The following NRDE2 variants were observed in gnomAD, a reference collection of about 807,000 sequenced individuals.
The protein encoded by NRDE2 is NRDE-2, necessary for RNA interference, domain containing.
In NRDE2, 76 loss-of-function variants were observed where a neutral mutation model predicts 124.2. The observed-to-expected ratio is 0.61, with a 90% CI of 0.51 to 0.74. NRDE2 has a LOEUF of 0.74. Among genes scored for constraint, NRDE2 ranks in the 30% least tolerant of loss-of-function variants. The pLI, the probability that NRDE2 is intolerant of heterozygous loss-of-function variation, is 0.00. For synonymous variants in NRDE2, 489 were observed against 528.1 expected, an observed-to-expected ratio of 0.93 and a Z score of 1.01; for missense variants, 1,314 against 1,417.3, an observed-to-expected ratio of 0.93 and a Z score of 1.17.
chr14:90,330,222 T>TAAATAAATAAATAAATAAA (rs59818362), intron 1 of NRDE2, among the ~76,000 whole-genome samples: 7,832 of 141,298 alleles, frequency 0.055, 318 homozygotes, highest in East Asian at 0.18. Flanking sequence ...AAAAAATAAA[T>TAAATAAATAAATAAATAAA]AAATAAATAA....
rs1410221632 is a variant in NRDE2, at chr14:90,275,564, ACTGC to A, written c.*2768_*2771del. 9.9e-5 allele frequency: 15 copies of A among 152,222 alleles called. No individual in the cohort carries two copies. Among genetic ancestry groups the A allele is most frequent in the African/African-American group, 3.6e-4 (15 of 41,456 alleles). 9.4% of individuals were successfully genotyped at this position (152,222 alleles called of 1,614,324 possible). A position where few individuals can be genotyped will look rare whatever the true frequency, so the allele number is the denominator to read the frequency against. The stretch of plus-strand genomic sequence containing the variant: ...CTAGAGTGTCAGGGTAGCGGGCTGA[ACTGC>A]GCCCCACCCCAGCTGCTTCTCCAGT... On this transcript the variant is annotated 3_prime_UTR_variant, in exon 14 of 14. Transcript: ENST00000354366.
Position 90,278,292 on chromosome 14 carries a change from G to A in NRDE2, c.*44C>T, listed in dbSNP as rs757248022. The stretch of plus-strand genomic sequence containing the variant: ...CTCGCGCCTCCTAGCTCCGCAGGGT[G>A]GGCAACTTGGCCTCGCAGGCACAGC... On this transcript the variant is annotated 3_prime_UTR_variant, in exon 14 of 14. Coordinates refer to ENST00000354366, the MANE Select transcript of NRDE2 (RefSeq NM_017970.4). 17 of 1,612,674 alleles carry A rather than the reference G, an allele frequency of 1.1e-5. No individual in the cohort carries two copies. In the South Asian group the frequency reaches 1.9e-4, roughly 18 times the overall value.
chr14:90,280,133 T>G (rs1363068958), intron 12 of NRDE2: 1 of 152,320 alleles, frequency 6.6e-6, no homozygotes, highest in Non-Finnish European at 1.5e-5. Context: ...TTTGGTTTTT[T>G]TTTTCACTGT....
intron 3 of NRDE2, among the ~76,000 whole-genome samples, chr14:90,313,759 AC>A (rs1205903724): frequency 1.3e-5 from 2 of 152,228 alleles, no homozygotes; most frequent in Non-Finnish European, 2.9e-5. Context: ...CTGCCCAGGT[AC>A]AAATAAAGAT....
In NRDE2 at chr14:90,289,012, T is replaced by C; in HGVS notation, c.2363A>G (p.His788Arg). Reference sequence around the variant, plus strand: ...CGTGTTGCCAAGCAACCACTCCAGATGTGCATACTGCTTCCACAGGCAAAA... The same window carrying C: ...CGTGTTGCCAAGCAACCACTCCAGACGTGCATACTGCTTCCACAGGCAAAA... Reference protein sequence around the residue: ...NNFCLWKQYAHLEWLLGNTED... With the variant: ...NNFCLWKQYARLEWLLGNTED... The change falls in exon 11 of 14, where the codon CAT becomes CGT. Residue 788 changes from histidine to arginine, a missense_variant. By Grantham distance (29) the His-to-Arg change is conservative (BLOSUM62 0). Transcript: ENST00000354366. 1 of 1,614,162 alleles carries C rather than the reference T, an allele frequency of 6.2e-7. No individual in the cohort carries two copies. Among genetic ancestry groups the C allele is most frequent in the Non-Finnish European group, 8.5e-7 (1 of 1,179,984 alleles).
intron 9 of NRDE2, 56 bp downstream of exon 9, chr14:90,292,641 G>A: frequency 6.4e-7 from 1 of 1,567,666 alleles, no homozygotes; most frequent in South Asian, 1.1e-5. Context: ...GCATGGGAAT[G>A]GAAAGCAGGC....
rs190263522 is a variant in NRDE2, at chr14:90,290,365, C to T, written c.2085G>A (p.Arg695=). 7.4e-6 allele frequency: 12 copies of T among 1,614,110 alleles called. No homozygotes were observed. Among genetic ancestry groups the T allele is most frequent in the Non-Finnish European group, 1.0e-5 (12 of 1,180,040 alleles). Residue 695 remains arginine, a synonymous_variant, in exon 10 of 14, where the codon AGG becomes AGA. Transcript: ENST00000354366. Reference sequence around the variant, plus strand: ...CCCTGGTCCAGCGAGGATAGCCCAACCTATCCATGCGGCCAACACAGCTAG... The same window carrying T: ...CCCTGGTCCAGCGAGGATAGCCCAATCTATCCATGCGGCCAACACAGCTAG... ...SGASCVGRMD[R]LGYPRWTRGQ...
chr14:90,288,756 T>C lies in NRDE2; in HGVS notation c.2619A>G (p.Lys873=), dbSNP rs1892185382. The stretch of plus-strand genomic sequence containing the variant: ...GTGCGTGCTCATAAGCCTTTCGCGC[T>C]TTCAAAATGTGAACAGCCAACACCT... ...TGQVLAVHIL[K]ARKAYEHALQ... is the part of the protein sequence containing the mutation. Residue 873 remains lysine, a synonymous_variant, in exon 11 of 14, where the codon AAA becomes AAG. Coordinates refer to ENST00000354366, the MANE Select transcript of NRDE2 (RefSeq NM_017970.4). 6.2e-7 allele frequency: 1 copy of C among 1,614,086 alleles called. No individual in the cohort carries two copies.
Position 90,269,316 on chromosome 14 carries a change from C to T in NRDE2, c.*9020G>A. On this transcript the variant is annotated 3_prime_UTR_variant, in exon 14 of 14. Coordinates refer to ENST00000354366, the MANE Select transcript of NRDE2 (RefSeq NM_017970.4). ...AGGAATGTTTGTTAAGGTGTTTTGT[C>T]ACAATGAGGTCTTTGCTGTAATTCC... 8.0e-7 allele frequency: 1 copy of T among 1,253,328 alleles called. No homozygotes were observed. Among genetic ancestry groups the T allele is most frequent in the Non-Finnish European group, 1.1e-6 (1 of 907,302 alleles). The allele number at this position is 1,253,328 out of a possible 1,614,324, so 77.6% of individuals were successfully genotyped here.
intron 4 of NRDE2, among the ~76,000 whole-genome samples, chr14:90,309,471 T>TC (rs1884745671): frequency 8.3e-5 from 1 of 12,000 alleles, no homozygotes; most frequent in Non-Finnish European, 2.3e-4. Flanking sequence ...AGACTCTGTC[T>TC]CAAAAAAAAA....
In NRDE2 at chr14:90,272,155, G is replaced by C; in HGVS notation, c.*6181C>G. Reference sequence around the variant, plus strand: ...GCGATCCACCTGCCTCGGCCTCCCAGAGTGCTGGGATTACAGGTGTGAGCC... The same window carrying C: ...GCGATCCACCTGCCTCGGCCTCCCACAGTGCTGGGATTACAGGTGTGAGCC... On this transcript the variant is annotated 3_prime_UTR_variant, in exon 14 of 14. Transcript: ENST00000354366. This position sits in a 1 kb window ranked among gnomAD's most constrained non-coding sequence, Gnocchi z 4.5. 8.7e-7 allele frequency: 1 copy of C among 1,146,298 alleles called. No individual in the cohort carries two copies. The highest frequency in any genetic ancestry group is 1.2e-6 in the Non-Finnish European group (1 of 815,450). The allele number at this position is 1,146,298 out of a possible 1,614,324, so 71.0% of individuals were successfully genotyped here.
chr14:90,302,605 C>G, intron 6 of NRDE2, 115 bp downstream of exon 6: 2 of 1,177,090 alleles, frequency 1.7e-6, no homozygotes, highest in South Asian at 3.5e-5. Flanking sequence ...AAAATCAGTT[C>G]TATCAAACAA....
At chr14:90,297,814 G>A (rs1307410994) in intron 8 of NRDE2, among the ~76,000 whole-genome samples, 1 of 151,854 alleles carries the variant, frequency 6.6e-6, no homozygotes, top group African/African-American at 2.4e-5. Context: ...GGTGGCAGAA[G>A]CCTGTAATCC....
In NRDE2 at chr14:90,330,738, T is replaced by A. The variant is rs558181813; in HGVS notation, c.64+1103A>T. ...TGAGGCAGGAAGTTAAGCCCAGGAG[T>A]CTGAGGCGGCAGTGAGTTATGACAG... On this transcript the variant is annotated intron_variant, in intron 1 of 13. Coordinates refer to ENST00000354366, the MANE Select transcript of NRDE2 (RefSeq NM_017970.4). 1.5e-4 allele frequency among the ~76,000 whole-genome samples: 23 copies of A among 148,830 alleles called. No individual in the cohort carries two copies. In the East Asian group the frequency reaches 2.2e-3, roughly 14 times the overall value.
chr14:90,301,155 C>A, intron 7 of NRDE2, 84 bp downstream of exon 7: 2 of 1,386,212 alleles, frequency 1.4e-6, no homozygotes, highest in Non-Finnish European at 2.0e-6. Context: ...ATTATCCACA[C>A]CACCTCTCAT....
chr14:90,292,607 G>A lies in NRDE2; in HGVS notation c.1842+90C>T, dbSNP rs112941653. The A allele has an allele frequency of 3.9e-4, 545 of 1,395,320 alleles. 2 individuals carry two copies. In the Middle Eastern group the frequency reaches 4.6e-3, roughly 12 times the overall value. 86.4% of individuals were successfully genotyped at this position (1,395,320 alleles called of 1,614,324 possible). A position where few individuals can be genotyped will look rare whatever the true frequency, so the allele number is the denominator to read the frequency against. ...AGCCAACTGCTAAGAGAGCTCCAGC[G>A]GCCTCCTTTCAGATAACCAAAGCGC... On this transcript the variant is annotated intron_variant, in intron 9 of 13. Transcript: ENST00000354366.
In NRDE2 at chr14:90,290,260, G is replaced by C; in HGVS notation, c.2190C>G (p.Ser730=). ...ACTGTAACCAGGAGAAGCAGAGCTGGGACTTCTCTTTGCCTGAAAATAAAG... is the reference window on the plus strand; with the variant it reads ...ACTGTAACCAGGAGAAGCAGAGCTGCGACTTCTCTTTGCCTGAAAATAAAG... ...VMPLFSGKEK[S]QLCFSWLQYE... Residue 730 remains serine, a synonymous_variant, in exon 10 of 14, where the codon TCC becomes TCG. Transcript: ENST00000354366. 2 of 1,614,002 alleles carry C rather than the reference G, an allele frequency of 1.2e-6. No homozygotes were observed. Among genetic ancestry groups the C allele is most frequent in the South Asian group, 1.1e-5 (1 of 91,074 alleles).
chr14:90,275,219 C>T lies in NRDE2; in HGVS notation c.*3117G>A, dbSNP rs990893767. On this transcript the variant is annotated 3_prime_UTR_variant, in exon 14 of 14. Transcript: ENST00000354366. ...AGATGACAACCAAGTGCAGCTCCTG[C>T]TCCTGAACTGGATCCTTTTCCTAGA... is the stretch of plus-strand genomic sequence containing the variant. 2 of 152,198 alleles carry T rather than the reference C, an allele frequency of 1.3e-5. No individual in the cohort carries two copies. The highest frequency in any genetic ancestry group is 2.9e-5 in the Non-Finnish European group (2 of 68,062). The allele number at this position is 152,198 out of a possible 1,614,324, so 9.4% of individuals were successfully genotyped here.
At chr14:90,293,850 ATAAAG>A (rs1003588837) in intron 8 of NRDE2, among the ~76,000 whole-genome samples, 1 of 152,256 alleles carries the variant, frequency 6.6e-6, no homozygotes, top group African/African-American at 2.4e-5. Context: ...AGGTTAAAAA[ATAAAG>A]TATACAAAAT....
Sources: allele counts gnomAD v4.1 joint callset (sites outside exome capture counted in the v4.1 genomes callset), GRCh38; gene constraint gnomAD v4.1.1; non-coding constraint Gnocchi (gnomAD v3.1); transcripts MANE v1.5; gene names NCBI Gene and HGNC (gene_info 2026-07-23, HGNC 2026-07-21).